Variants in CYRIA observed in about 807,000 individuals in gnomAD.
CYRIA encodes the protein CYFIP related Rac1 interactor A.
CYRIA carries 15 observed loss-of-function variants against 43.9 expected under a neutral mutation model. The ratio of observed to expected loss-of-function variants is 0.34; its 90% CI spans 0.23 to 0.53. CYRIA has a LOEUF of 0.53. Ranked by LOEUF, CYRIA falls within the 20% of genes least tolerant of loss-of-function variation. The pLI is 0.94. For synonymous variants in CYRIA, 117 were observed against 136.0 expected (o/e 0.86, Z 0.97); for missense variants, 236 against 394.2 (o/e 0.60, Z 3.40).
intron 3 of CYRIA, among the ~76,000 whole-genome samples, chr2:16,575,467 G>A (rs1467847789): frequency 1.3e-5 from 2 of 152,226 alleles, no homozygotes; most frequent in East Asian, 1.9e-4. Flanking sequence ...TTGTGGGAGG[G>A]ACCTAGCGGG....
At chr2:16,662,650 G>A (rs1248335004) in intron 1 of CYRIA, among the ~76,000 whole-genome samples, 2 of 152,154 alleles carry the variant, frequency 1.3e-5, no homozygotes, top group African/African-American at 4.8e-5. Flanking sequence ...AGGCAGTCCT[G>A]GCTCCCTGCC....
At chr2:16,562,243 C>A in intron 5 of CYRIA, 102 bp from the exon 6 acceptor site, 1 of 1,266,742 alleles carries the variant, frequency 7.9e-7, no homozygotes, top group Non-Finnish European at 1.1e-6. Context: ...AGATCACCTG[C>A]TTGAGTCTCT....
rs1317831094 is a variant in CYRIA, at chr2:16,552,272, T to C, written c.*664A>G. 2.6e-5 allele frequency: 4 copies of C among 151,972 alleles called. No homozygotes were observed. The East Asian group carries it at 6.0e-4, about 23-fold the overall frequency. 9.4% of individuals were successfully genotyped at this position (151,972 alleles called of 1,614,324 possible). A position where few individuals can be genotyped will look rare whatever the true frequency, so the allele number is the denominator to read the frequency against. The stretch of plus-strand genomic sequence containing the variant: ...AGTGGCAACAGCACATCTATCTATT[T>C]CTGCTGCTCTCCCACTAACTGAAAA... On this transcript the variant is annotated 3_prime_UTR_variant, in exon 12 of 12. Coordinates refer to ENST00000381323, the MANE Select transcript of CYRIA (RefSeq NM_030797.4).
At chr2:16,652,284 C>T (rs1669996702) in intron 1 of CYRIA, among the ~76,000 whole-genome samples, 1 of 152,172 alleles carries the variant, frequency 6.6e-6, no homozygotes, top group South Asian at 2.1e-4. Context: ...CTACTTGTCC[C>T]ACCTGCTCTA....
At chr2:16,591,415 G>A (rs1005299775) in intron 2 of CYRIA, among the ~76,000 whole-genome samples, 2 of 152,136 alleles carry the variant, frequency 1.3e-5, no homozygotes, top group Admixed American at 1.3e-4. Flanking sequence ...TTATACTAGA[G>A]AAGTACAGTT....
At chr2:16,586,757 T>C (rs1289838728) in intron 3 of CYRIA, among the ~76,000 whole-genome samples, 1 of 152,132 alleles carries the variant, frequency 6.6e-6, no homozygotes, top group Non-Finnish European at 1.5e-5. Context: ...TTAATCTATA[T>C]GCAAGGAAGT....
chr2:16,657,714 T>C (rs904233882), intron 1 of CYRIA, among the ~76,000 whole-genome samples: 1 of 152,200 alleles, frequency 6.6e-6, no homozygotes. Flanking sequence ...TTTGAGACTC[T>C]TTGCTCAGAT....
intron 3 of CYRIA, among the ~76,000 whole-genome samples, chr2:16,573,645 T>C (rs1252148029): frequency 1.3e-5 from 2 of 152,144 alleles, no homozygotes; most frequent in African/African-American, 4.8e-5. Context: ...GTCTTTCCCA[T>C]GCTATTCTTG....
intron 2 of CYRIA, among the ~76,000 whole-genome samples, chr2:16,610,187 A>G (rs566167547): frequency 6.6e-6 from 1 of 152,236 alleles, no homozygotes; most frequent in Non-Finnish European, 1.5e-5. Flanking sequence ...CAAACTCAAG[A>G]TTCTGTGCTA....
rs199880254 is a variant in CYRIA, at chr2:16,565,783, A to T, written c.71-16T>A. On this transcript the variant is annotated splice_polypyrimidine_tract_variant and intron_variant, in intron 3 of 11. Coordinates refer to ENST00000381323, the MANE Select transcript of CYRIA (RefSeq NM_030797.4). ...GGCTGAGCATCTAAGAAACAGGGAAACCGAGAGACAGAGTGCTGGTGTTTA... is the reference window on the plus strand; with the variant it reads ...GGCTGAGCATCTAAGAAACAGGGAATCCGAGAGACAGAGTGCTGGTGTTTA... The T allele has an allele frequency of 4.2e-4, 649 of 1,547,762 alleles. No individual in the cohort carries two copies. The highest frequency in any genetic ancestry group is 5.3e-4 in the Non-Finnish European group (600 of 1,132,878).
chr2:16,611,988 G>C (rs1188792487), intron 2 of CYRIA, among the ~76,000 whole-genome samples: 1 of 152,066 alleles, frequency 6.6e-6, no homozygotes, highest in East Asian at 1.9e-4. Context: ...TCCTGCAGGG[G>C]GGACTCCTTG....
intron 1 of CYRIA, among the ~76,000 whole-genome samples, chr2:16,625,479 T>A (rs1187499681): frequency 7.2e-5 from 11 of 152,190 alleles, no homozygotes. Context: ...TGTCCTTGGC[T>A]TGATGAGAAA....
chr2:16,588,926 A>G (rs980019607), intron 2 of CYRIA, among the ~76,000 whole-genome samples: 3 of 152,138 alleles, frequency 2.0e-5, no homozygotes, highest in Admixed American at 1.3e-4. Flanking sequence ...TCAACAGAAA[A>G]TTACAAACCT....
chr2:16,642,808 T>G (rs1669712862), intron 1 of CYRIA, among the ~76,000 whole-genome samples: 1 of 152,176 alleles, frequency 6.6e-6, no homozygotes, highest in Non-Finnish European at 1.5e-5. Flanking sequence ...CCTTCACCTT[T>G]TAATAGTTTT....
chr2:16,581,922 G>A (rs1403723373), intron 3 of CYRIA, among the ~76,000 whole-genome samples: 1 of 152,162 alleles, frequency 6.6e-6, no homozygotes, highest in Non-Finnish European at 1.5e-5. Context: ...ACATTATATT[G>A]AGTGAAAAAC....
rs62122698 is a variant in CYRIA, at chr2:16,565,629, C to G, written c.192+17G>C. Reference sequence around the variant, plus strand: ...CCCTCCTCGGGTGTTGTCAGTTCAGCGTGATCATTGACATACATCTCGGAT... The same window carrying G: ...CCCTCCTCGGGTGTTGTCAGTTCAGGGTGATCATTGACATACATCTCGGAT... On this transcript the variant is annotated intron_variant, in intron 4 of 11. Transcript: ENST00000381323. The G allele has an allele frequency of 0.28, 435,669 of 1,542,016 alleles. 63,759 individuals carry two copies. Among genetic ancestry groups the G allele is most frequent in the Admixed American group, 0.38 (21,934 of 57,568 alleles).
At chr2:16,554,807 C>A (rs1327412120) in intron 11 of CYRIA, among the ~76,000 whole-genome samples, 3 of 152,134 alleles carry the variant, frequency 2.0e-5, no homozygotes, top group Non-Finnish European at 4.4e-5. Flanking sequence ...GTGGGGTCAC[C>A]CACACCTGGG....
intron 1 of CYRIA, among the ~76,000 whole-genome samples, chr2:16,646,602 A>T (rs1047640209): frequency 6.6e-6 from 1 of 152,226 alleles, no homozygotes; most frequent in African/African-American, 2.4e-5. Context: ...TTACATTCAT[A>T]AAAAATGGTA....
At chr2:16,629,105 C>G (rs1415822173) in intron 1 of CYRIA, among the ~76,000 whole-genome samples, 5 of 117,734 alleles carry the variant, frequency 4.2e-5, no homozygotes, top group Non-Finnish European at 1.8e-5. Flanking sequence ...GATGGGAAAC[C>G]AGCACGGGAA....
Sources: gnomAD v4.1 joint callset for allele counts (sites outside exome capture counted in the v4.1 genomes callset) on GRCh38, gnomAD v4.1.1 for gene constraint, MANE v1.5 for transcripts, NCBI Gene and HGNC (gene_info 2026-07-23, HGNC 2026-07-21) for gene names.